TBL1XR1: variants seen among roughly 807,000 people sequenced by gnomAD.
TBL1XR1 encodes the protein F-box-like/WD repeat-containing protein TBL1XR1.
TBL1XR1 carries 5 observed loss-of-function variants against 66.9 expected under a neutral mutation model. That is an observed-to-expected ratio of 0.07 (90% CI 0.04 to 0.16). TBL1XR1 has a LOEUF of 0.16. TBL1XR1 is among the 10% of genes least tolerant of loss of function. TBL1XR1 has a pLI of 1.00. For missense variants in TBL1XR1, 238 were observed against 623.2 expected (o/e 0.38, Z 6.58); for synonymous variants, 210 against 206.0 (o/e 1.02, Z -0.17).
chr3:177,104,195 ATT>A (rs1175281023), intron 1 of TBL1XR1, among the ~76,000 whole-genome samples: 3 of 152,154 alleles, frequency 2.0e-5, no homozygotes, highest in African/African-American at 7.2e-5. Context: ...TTTTTATTAA[ATT>A]AACTCCCAGG....
chr3:177,177,021 A>G (rs1734237735), intron 1 of TBL1XR1, among the ~76,000 whole-genome samples: 1 of 152,160 alleles, frequency 6.6e-6, no homozygotes, highest in Non-Finnish European at 1.5e-5. Context: ...GACAGAGATT[A>G]CTGGTAGCAT....
chr3:177,074,691 C>T (rs1174175476), intron 2 of TBL1XR1, among the ~76,000 whole-genome samples: 1 of 152,162 alleles, frequency 6.6e-6, no homozygotes, highest in East Asian at 1.9e-4. Context: ...CTCACCGCCA[C>T]CAAGTATATT....
At chr3:177,050,413 A>G (rs1411723827) in intron 6 of TBL1XR1, 65 bp downstream of exon 6, 1 of 1,569,522 alleles carries the variant, frequency 6.4e-7, no homozygotes, top group Non-Finnish European at 8.7e-7. Context: ...TGAATAATGC[A>G]TATGTTTATA....
chr3:177,073,420 T>C (rs929634286), intron 2 of TBL1XR1, among the ~76,000 whole-genome samples: 7 of 152,190 alleles, frequency 4.6e-5, no homozygotes, highest in Non-Finnish European at 8.8e-5. Flanking sequence ...AAAAGGTACT[T>C]AAAAGCCATA....
intron 10 of TBL1XR1, chr3:177,045,042 T>C (rs780202245): frequency 2.1e-4 from 32 of 152,114 alleles, no homozygotes; most frequent in Non-Finnish European, 4.0e-4. Context: ...TCAAGTTGAA[T>C]TGTTTAACGA....
At chr3:177,120,750 T>G (rs890006507) in intron 1 of TBL1XR1, 3 of 152,262 alleles carry the variant, frequency 2.0e-5, no homozygotes, top group Non-Finnish European at 4.4e-5. Context: ...AAGTTCGATC[T>G]GTTACTGACT....
chr3:177,187,905 G>GA lies in TBL1XR1; in HGVS notation c.-122+9215dup, dbSNP rs202111731. On this transcript the variant is annotated intron_variant, in intron 1 of 15. Coordinates refer to ENST00000457928, the MANE Select transcript of TBL1XR1 (RefSeq NM_024665.7). ...ATTAAAATTTTTAAACATTTAAAAA[G>GA]AAAAAAAAAAAAGCTTGAGAGTCCA... is the stretch of plus-strand genomic sequence containing the variant. 2.2e-3 allele frequency among the ~76,000 whole-genome samples: 129 copies of GA among 58,758 alleles called. 1 individual carries two copies. The highest frequency in any genetic ancestry group is 2.8e-3 in the African/African-American group (49 of 17,244). 38.5% of individuals were successfully genotyped at this position (58,758 alleles called of 152,430 possible). A position where few individuals can be genotyped will look rare whatever the true frequency, so the allele number is the denominator to read the frequency against.
At chr3:177,025,841 TCA>T (rs1256566773) in intron 15 of TBL1XR1, 4 of 358,902 alleles carry the variant, frequency 1.1e-5, no homozygotes, top group African/African-American at 2.1e-5. Flanking sequence ...ATGAAAGATA[TCA>T]CAGATTATAT....
intron 1 of TBL1XR1, among the ~76,000 whole-genome samples, chr3:177,162,069 T>C (rs1416531773): frequency 6.6e-6 from 1 of 152,232 alleles, no homozygotes; most frequent in Non-Finnish European, 1.5e-5. Context: ...AAGTTAAACA[T>C]ATATCTACAT....
chr3:177,178,714 G>A (rs908941700), intron 1 of TBL1XR1, among the ~76,000 whole-genome samples: 1 of 152,086 alleles, frequency 6.6e-6, no homozygotes, highest in Non-Finnish European at 1.5e-5. Context: ...GAAAAATAAA[G>A]GAGATGGGAC....
chr3:177,155,107 G>C (rs778959418), intron 1 of TBL1XR1, among the ~76,000 whole-genome samples: 10 of 152,080 alleles, frequency 6.6e-5, no homozygotes, highest in African/African-American at 9.7e-5. Flanking sequence ...GTAAAATGCA[G>C]CTAAAGCAAC....
At chr3:177,053,085 G>A (rs1028124962) in intron 4 of TBL1XR1, among the ~76,000 whole-genome samples, 4 of 152,156 alleles carry the variant, frequency 2.6e-5, no homozygotes, top group African/African-American at 7.2e-5. Flanking sequence ...CTGGGCAACA[G>A]AGCGAGATTC....
At chr3:177,122,721 TGGAGATA>T (rs917462187) in intron 1 of TBL1XR1, among the ~76,000 whole-genome samples, 1 of 152,070 alleles carries the variant, frequency 6.6e-6, no homozygotes, top group Non-Finnish European at 1.5e-5. Context: ...CTTTAAACAG[TGGAGATA>T]GCTGCAAATC....
chr3:177,070,163 G>A (rs1719778505), intron 2 of TBL1XR1, among the ~76,000 whole-genome samples: 1 of 121,492 alleles, frequency 8.2e-6, no homozygotes, highest in African/African-American at 3.2e-5. Context: ...TATATGATGA[G>A]TCACTTTGAT....
At chr3:177,176,426 A>C (rs1734161373) in intron 1 of TBL1XR1, among the ~76,000 whole-genome samples, 1 of 148,308 alleles carries the variant, frequency 6.7e-6, no homozygotes, top group Non-Finnish European at 1.5e-5. Context: ...CGAACTCCTG[A>C]CCTCAGATGA....
intron 1 of TBL1XR1, among the ~76,000 whole-genome samples, chr3:177,179,855 G>A (rs1172731801): frequency 6.6e-6 from 1 of 152,172 alleles, no homozygotes; most frequent in African/African-American, 2.4e-5. Context: ...AAAGGCAAAT[G>A]AGGCTAGATA....
chr3:177,148,716 A>G (rs1730531216), intron 1 of TBL1XR1, among the ~76,000 whole-genome samples: 1 of 151,336 alleles, frequency 6.6e-6, no homozygotes, highest in Admixed American at 6.6e-5. Context: ...AAAAATAAAA[A>G]TAATAAAAAT....
intron 1 of TBL1XR1, among the ~76,000 whole-genome samples, chr3:177,179,113 G>C (rs1397107237): frequency 1.2e-5 from 1 of 85,418 alleles, no homozygotes; most frequent in Non-Finnish European, 2.3e-5. Flanking sequence ...GCGAAACTAC[G>C]TCTCAAAAAA....
chr3:177,154,562 A>C (rs1040115938), intron 1 of TBL1XR1, among the ~76,000 whole-genome samples: 4 of 152,110 alleles, frequency 2.6e-5, no homozygotes, highest in African/African-American at 9.7e-5. Context: ...ATGCCCAGCT[A>C]ATTTTTGTTT....
Sources: gnomAD v4.1 joint callset for allele counts (sites outside exome capture counted in the v4.1 genomes callset) on GRCh38, gnomAD v4.1.1 for gene constraint, MANE v1.5 for transcripts, NCBI Gene and HGNC (gene_info 2026-07-23, HGNC 2026-07-21) for gene names.